Variants in PRKAG1 observed in about 807,000 individuals in gnomAD.
The protein encoded by PRKAG1 is protein kinase AMP-activated non-catalytic subunit gamma 1, also known as 5'-AMP-activated protein kinase subunit gamma-1.
A neutral mutation model predicts 48.2 loss-of-function variants in PRKAG1; 27 were observed. That is an observed-to-expected ratio of 0.56 (90% CI 0.41 to 0.77). The LOEUF (loss-of-function observed/expected upper bound fraction) is 0.77, where lower values mean the gene tolerates loss of function less well. Ranked by LOEUF, PRKAG1 falls within the 30% of genes least tolerant of loss-of-function variation. The pLI, the probability that PRKAG1 is intolerant of heterozygous loss-of-function variation, is 0.00. For missense variants in PRKAG1, 287 were observed against 398.3 expected (o/e 0.72, Z 2.38); for synonymous variants, 130 against 147.7 (o/e 0.88, Z 0.87).
At chr12:49,012,056 G>A (rs1209125729) in intron 2 of PRKAG1, among the ~76,000 whole-genome samples, 1 of 151,634 alleles carries the variant, frequency 6.6e-6, no homozygotes. Context: ...AAGATTTCAC[G>A]ATGTTGGCCA....
chr12:49,003,369 A>T, intron 10 of PRKAG1, 79 bp from the exon 11 acceptor site: 1 of 1,581,050 alleles, frequency 6.3e-7, no homozygotes, highest in Non-Finnish European at 8.6e-7. Flanking sequence ...ACCTCAACAG[A>T]GGGATTCAGG....
In PRKAG1 at chr12:49,003,592, C is replaced by T. The variant is rs780637267; in HGVS notation, c.707G>A (p.Arg236His). Residue 236 changes from arginine to histidine, a missense_variant, in exon 10 of 12, where the codon CGT becomes CAT. This residue lies in a region of PRKAG1 where 224 missense variants were observed against 344.3 expected (regional missense o/e 0.65). Coordinates refer to ENST00000548065, the MANE Select transcript of PRKAG1 (RefSeq NM_002733.5). Reference protein sequence around the residue: ...SALPVVDEKGRVVDIYSKFDV... With the variant: ...SALPVVDEKGHVVDIYSKFDV... ...AAACTTGGAGTAGATGTCCACCACA[C>T]GCCCTAGGGGGACAGAGGCAGCTCA... is the stretch of plus-strand genomic sequence containing the variant. 19 of 1,610,612 alleles carry T rather than the reference C, an allele frequency of 1.2e-5. No individual in the cohort carries two copies. The highest frequency in any genetic ancestry group is 7.7e-5 in the South Asian group (7 of 91,042).
chr12:49,015,122 T>G (rs1280118670), intron 1 of PRKAG1, among the ~76,000 whole-genome samples: 1 of 152,216 alleles, frequency 6.6e-6, no homozygotes, highest in Non-Finnish European at 1.5e-5. Context: ...TGCATAAGAC[T>G]GTCAGCTTGG....
chr12:49,004,182 T>C, intron 8 of PRKAG1: 2 of 523,278 alleles, frequency 3.8e-6, no homozygotes, highest in East Asian at 3.4e-5. Context: ...GTCCCAGCTC[T>C]TCTGGGGGTT....
At chr12:49,012,938 GT>G in intron 2 of PRKAG1, 123 bp downstream of exon 2, 1 of 973,448 alleles carries the variant, frequency 1.0e-6, no homozygotes, top group Non-Finnish European at 1.6e-6. Context: ...GATTTTTGTG[GT>G]TTGGCACATT....
At chr12:49,011,759 A>G (rs1941770442) in intron 2 of PRKAG1, among the ~76,000 whole-genome samples, 1 of 151,870 alleles carries the variant, frequency 6.6e-6, no homozygotes, top group East Asian at 1.9e-4. Flanking sequence ...ATGGGGTTCC[A>G]CCATGTTGAT....
intron 1 of PRKAG1, chr12:49,017,176 A>T (rs1942012461): frequency 1.1e-5 from 5 of 455,950 alleles, no homozygotes; most frequent in Non-Finnish European, 2.2e-5. Context: ...AGTTAGGCTG[A>T]ACATTTTCAA....
At chr12:49,008,096 T>C (rs1335166037) in intron 2 of PRKAG1, among the ~76,000 whole-genome samples, 1 of 152,156 alleles carries the variant, frequency 6.6e-6, no homozygotes, top group Non-Finnish European at 1.5e-5. Flanking sequence ...TGACCTCATG[T>C]GATCTGCCCG....
chr12:49,003,642 C>T (rs1421014809), intron 9 of PRKAG1, 47 bp from the exon 10 acceptor site: 1 of 1,611,880 alleles, frequency 6.2e-7, no homozygotes, highest in Non-Finnish European at 8.5e-7. Context: ...GGATCTAAAG[C>T]TCCCCCTACT....
intron 2 of PRKAG1, among the ~76,000 whole-genome samples, chr12:49,012,461 T>C (rs1941798555): frequency 6.6e-6 from 1 of 152,006 alleles, no homozygotes; most frequent in African/African-American, 2.4e-5. Context: ...CACTGCAATT[T>C]CTGCCTCCCT....
chr12:49,018,660 C>G (rs904193449), intron 1 of PRKAG1, 72 bp downstream of exon 1: 7 of 1,608,656 alleles, frequency 4.4e-6, no homozygotes, highest in Admixed American at 1.7e-5. Flanking sequence ...GCCCGGCCCT[C>G]CCGGTCTCCT....
chr12:49,008,932 G>C (rs1353922728), intron 2 of PRKAG1, among the ~76,000 whole-genome samples: 2 of 152,076 alleles, frequency 1.3e-5, no homozygotes, highest in African/African-American at 4.8e-5. Context: ...AATATTCGAT[G>C]GGTCCTTTCA....
At chr12:49,007,286 C>CA (rs143240191) in intron 2 of PRKAG1, among the ~76,000 whole-genome samples, 346 of 112,122 alleles carry the variant, frequency 3.1e-3, no homozygotes, top group Middle Eastern at 0.025. Context: ...GACTCCGTCT[C>CA]AAAAAAAAAA....
At chr12:49,017,216 T>C (rs1340849694) in intron 1 of PRKAG1, 1 of 456,034 alleles carries the variant, frequency 2.2e-6, no homozygotes, top group Non-Finnish European at 4.4e-6. Context: ...TTCTTTTTTT[T>C]TGGAGACAGG....
At chr12:49,013,240 A>AC (rs1218205215) in intron 1 of PRKAG1, 130 bp from the exon 2 acceptor site, 1 of 769,910 alleles carries the variant, frequency 1.3e-6, no homozygotes, top group Admixed American at 2.8e-5. Flanking sequence ...CCCCCGCCAA[A>AC]CCCTTTTTTT....
intron 2 of PRKAG1, among the ~76,000 whole-genome samples, chr12:49,006,511 C>A (rs1255278529): frequency 5.9e-5 from 9 of 152,222 alleles, no homozygotes; most frequent in Admixed American, 5.9e-4. Context: ...TCTGGGATCA[C>A]CCTGTAAATC....
At chr12:49,003,511 C>CCT (rs1941383284) in intron 10 of PRKAG1, 47 bp downstream of exon 10, 6 of 1,578,534 alleles carry the variant, frequency 3.8e-6, no homozygotes, top group Non-Finnish European at 5.2e-6. Flanking sequence ...TAACAGTGCC[C>CCT]CCCCCCCACC....
At chr12:49,004,813 C>CTGTG (rs3832821) in intron 7 of PRKAG1, 151 bp downstream of exon 7, 38,749 of 707,976 alleles carry the variant, frequency 0.055, 494 homozygotes, top group East Asian at 0.14. Flanking sequence ...GAGAGAGAGA[C>CTGTG]TGTGTGTGTG....
intron 1 of PRKAG1, among the ~76,000 whole-genome samples, chr12:49,016,454 C>T (rs990595578): frequency 2.0e-5 from 3 of 152,182 alleles, no homozygotes; most frequent in African/African-American, 7.2e-5. Flanking sequence ...TCCCTCCAAT[C>T]CTATTATTCT....
Sources: gnomAD v4.1 joint callset for allele counts (sites outside exome capture counted in the v4.1 genomes callset) on GRCh38, gnomAD v4.1.1 for gene constraint, gnomAD v4.1.1 regional missense constraint, MANE v1.5 for transcripts, NCBI Gene and HGNC (gene_info 2026-07-23, HGNC 2026-07-21) for gene names.